PPP1R13B: variants seen among roughly 807,000 people sequenced by gnomAD.
PPP1R13B encodes protein phosphatase 1 regulatory subunit 13B.
In PPP1R13B, 44 loss-of-function variants were observed where a neutral mutation model predicts 119.8. The ratio of observed to expected loss-of-function variants is 0.37; its 90% CI spans 0.29 to 0.47. The LOEUF is 0.47. Ranked by LOEUF, PPP1R13B falls within the 20% of genes least tolerant of loss-of-function variation. The probability of loss-of-function intolerance (pLI) is 0.99; values close to 1 mark genes in which losing one functional copy is unlikely to be tolerated. For missense variants in PPP1R13B, 1,227 were observed against 1,413.5 expected (o/e 0.87, Z 2.12); for synonymous variants, 542 against 561.5 (o/e 0.97, Z 0.49).
chr14:103,839,652 T>C (rs2086859413), intron 1 of PPP1R13B, among the ~76,000 whole-genome samples: 1 of 150,928 alleles, frequency 6.6e-6, no homozygotes, highest in African/African-American at 2.4e-5. Context: ...AATCTTTCTA[T>C]CTCCTTTGTC....
At chr14:103,759,691 A>G (rs1350199508) in intron 4 of PPP1R13B, among the ~76,000 whole-genome samples, 1 of 147,676 alleles carries the variant, frequency 6.8e-6, no homozygotes, top group African/African-American at 2.5e-5. Context: ...CAACTTGAAG[A>G]AAAAAAAAAA....
chr14:103,749,082 A>G (rs771891836), intron 8 of PPP1R13B, among the ~76,000 whole-genome samples: 12 of 152,234 alleles, frequency 7.9e-5, no homozygotes, highest in Non-Finnish European at 1.8e-4. Flanking sequence ...ATCTTAAGGA[A>G]TCGACTCATG....
intron 15 of PPP1R13B, chr14:103,736,464 G>A (rs550349383): frequency 6.0e-5 from 34 of 564,310 alleles, no homozygotes; most frequent in African/African-American, 3.7e-4. Flanking sequence ...GAGCCCCAGG[G>A]CAAGAGTGTG....
intron 4 of PPP1R13B, among the ~76,000 whole-genome samples, chr14:103,771,627 C>A (rs2085072589): frequency 6.6e-6 from 1 of 151,788 alleles, no homozygotes; most frequent in Non-Finnish European, 1.5e-5. Context: ...ATTACAGGCG[C>A]CTGCCAGGAC....
chr14:103,842,643 C>T (rs2086936448), intron 1 of PPP1R13B, among the ~76,000 whole-genome samples: 2 of 151,870 alleles, frequency 1.3e-5, no homozygotes, highest in Non-Finnish European at 2.9e-5. Flanking sequence ...TTCAGAGCTA[C>T]AGAACAGTTC....
intron 1 of PPP1R13B, among the ~76,000 whole-genome samples, chr14:103,844,351 G>C (rs1299985288): frequency 6.6e-6 from 1 of 151,964 alleles, no homozygotes; most frequent in Non-Finnish European, 1.5e-5. Flanking sequence ...ATTTGATTGT[G>C]TCAGATGAGA....
At chr14:103,819,073 C>T (rs112255749) in intron 1 of PPP1R13B, among the ~76,000 whole-genome samples, 5 of 152,116 alleles carry the variant, frequency 3.3e-5, no homozygotes, top group African/African-American at 4.8e-5. Context: ...ACCATTCAGG[C>T]GAAGGGAACA....
intron 2 of PPP1R13B, among the ~76,000 whole-genome samples, chr14:103,792,772 CA>C (rs952630243): frequency 6.7e-6 from 1 of 149,710 alleles, no homozygotes; most frequent in Non-Finnish European, 1.5e-5. Flanking sequence ...GACTCTGTCT[CA>C]AAAAAAAGAA....
intron 6 of PPP1R13B, 106 bp from the exon 7 acceptor site, chr14:103,753,302 G>A (rs1247346632): frequency 4.3e-6 from 5 of 1,163,328 alleles, no homozygotes; most frequent in South Asian, 3.2e-5. Context: ...GCCAGACCGT[G>A]GAGAAAGCTG....
chr14:103,795,227 C>T (rs1012048990), intron 2 of PPP1R13B, among the ~76,000 whole-genome samples: 2 of 152,076 alleles, frequency 1.3e-5, no homozygotes, highest in South Asian at 2.1e-4. Flanking sequence ...CAAGAGCCAC[C>T]GTGCCCGACC....
intron 4 of PPP1R13B, among the ~76,000 whole-genome samples, chr14:103,778,263 CTT>C (rs34674155): frequency 6.0e-5 from 6 of 99,490 alleles, no homozygotes; most frequent in East Asian, 2.9e-4. Context: ...CCACATCTGA[CTT>C]TTTTTTTTTT....
intron 1 of PPP1R13B, among the ~76,000 whole-genome samples, chr14:103,822,102 A>G (rs1241753337): frequency 6.6e-6 from 1 of 152,094 alleles, no homozygotes; most frequent in Non-Finnish European, 1.5e-5. Flanking sequence ...TGTTTCATCC[A>G]CAAGACAATC....
chr14:103,762,827 A>G, intron 4 of PPP1R13B: 1 of 974,056 alleles, frequency 1.0e-6, no homozygotes, highest in Non-Finnish European at 1.6e-6. Context: ...CAGGAAGGAG[A>G]AAGAATCACC....
chr14:103,809,017 G>T (rs981434060), intron 1 of PPP1R13B, among the ~76,000 whole-genome samples: 4 of 151,946 alleles, frequency 2.6e-5, no homozygotes, highest in Admixed American at 6.6e-5. Context: ...CTGTAAAAGC[G>T]CACCACAGCT....
At chr14:103,840,907 C>T (rs2086892445) in intron 1 of PPP1R13B, among the ~76,000 whole-genome samples, 1 of 152,130 alleles carries the variant, frequency 6.6e-6, no homozygotes, top group Non-Finnish European at 1.5e-5. Context: ...ATGGATATCC[C>T]AAATACCCTG....
intron 1 of PPP1R13B, among the ~76,000 whole-genome samples, chr14:103,828,274 C>T (rs1218326016): frequency 1.3e-5 from 2 of 149,758 alleles, no homozygotes; most frequent in African/African-American, 4.9e-5. Flanking sequence ...GAGGCAGAGG[C>T]AGGAGAATCA....
At chr14:103,784,652 G>A (rs2085414843) in intron 3 of PPP1R13B, 143 bp downstream of exon 3, 2 of 414,980 alleles carry the variant, frequency 4.8e-6, no homozygotes, top group African/African-American at 2.4e-5. Context: ...AGAAGCCAAA[G>A]TAACATGGGA....
chr14:103,776,344 G>A lies in PPP1R13B; in HGVS notation c.354+2401C>T, dbSNP rs73365086. ...CAGAGATTTAAGTATATGAGGTAGG[G>A]TCACAAATATAGCCAATAAAAGAAC... On this transcript the variant is annotated intron_variant, in intron 4 of 16. Transcript: ENST00000202556. 9.4e-3 allele frequency among the ~76,000 whole-genome samples: 1,425 copies of A among 152,172 alleles called. 27 individuals carry two copies. The highest frequency in any genetic ancestry group is 0.032 in the African/African-American group (1,323 of 41,490).
intron 2 of PPP1R13B, among the ~76,000 whole-genome samples, chr14:103,785,234 G>GT (rs143384357): frequency 0.45 from 67,725 of 152,020 alleles, 15,590 homozygotes; most frequent in African/African-American, 0.56. Flanking sequence ...TGTTTGTTTG[G>GT]TTGAGATGGG....
Sources: gnomAD v4.1 joint callset for allele counts (sites outside exome capture counted in the v4.1 genomes callset) on GRCh38, gnomAD v4.1.1 for gene constraint, MANE v1.5 for transcripts, NCBI Gene and HGNC (gene_info 2026-07-23, HGNC 2026-07-21) for gene names.